MYO1E: variants seen among roughly 807,000 people sequenced by gnomAD.
The protein encoded by MYO1E is unconventional myosin-Ie.
A neutral mutation model predicts 151.1 loss-of-function variants in MYO1E; 68 were observed. The ratio of observed to expected loss-of-function variants is 0.45; its 90% confidence interval spans 0.37 to 0.55. The LOEUF is 0.55. Among genes scored for constraint, MYO1E ranks in the 20% least tolerant of loss-of-function variants. MYO1E has a pLI of 0.00. For synonymous variants in MYO1E, 601 were observed against 501.7 expected (o/e 1.20, Z -2.64); for missense variants, 1,363 against 1,389.3 (o/e 0.98, Z 0.30).
Position 59,137,009 on chromosome 15 carries a change from A to T in MYO1E, c.*371T>A, listed in dbSNP as rs1009300836. The T allele has an allele frequency of 3.5e-5, 13 of 369,520 alleles. No individual in the cohort carries two copies. The highest frequency in any genetic ancestry group is 6.9e-5 in the Non-Finnish European group (13 of 189,666). The allele number at this position is 369,520 out of a possible 1,614,324, so 22.9% of individuals were successfully genotyped here. ...TGCTCTTCAACTAAAGGCACTTGTC[A>T]GCGGCCACCTACAGCCATTCTCTAG... On this transcript the variant is annotated 3_prime_UTR_variant, in exon 28 of 28. Transcript: ENST00000288235.
intron 1 of MYO1E, among the ~76,000 whole-genome samples, chr15:59,364,875 C>T (rs537436441): frequency 6.6e-6 from 1 of 152,230 alleles, no homozygotes; most frequent in Non-Finnish European, 1.5e-5. Context: ...TGCCACTGCA[C>T]TCCAGCCTGG....
intron 21 of MYO1E, among the ~76,000 whole-genome samples, chr15:59,172,351 C>T (rs1327822508): frequency 3.3e-5 from 5 of 152,042 alleles, no homozygotes; most frequent in South Asian, 2.1e-4. Context: ...AGCAAGACTC[C>T]GTCTCAAAAA....
intron 1 of MYO1E, among the ~76,000 whole-genome samples, chr15:59,353,625 C>T (rs1202741147): frequency 8.6e-5 from 13 of 150,814 alleles, no homozygotes; most frequent in African/African-American, 2.4e-4. Flanking sequence ...GGTGTGGTGG[C>T]GCACGCCTGT....
intron 16 of MYO1E, among the ~76,000 whole-genome samples, chr15:59,196,985 A>ACTTT: frequency 2.9e-5 from 1 of 34,266 alleles, no homozygotes; most frequent in Non-Finnish European, 7.8e-5. Flanking sequence ...TTTAATTACG[A>ACTTT]CTTTTTTTTT....
At chr15:59,252,656 A>G (rs1159583033) in intron 4 of MYO1E, among the ~76,000 whole-genome samples, 1 of 149,150 alleles carries the variant, frequency 6.7e-6, no homozygotes, top group Non-Finnish European at 1.5e-5. Flanking sequence ...CGGAGGTTGC[A>G]ATGAGCCAAG....
chr15:59,215,086 G>A (rs1173328341), intron 10 of MYO1E, among the ~76,000 whole-genome samples: 1 of 152,192 alleles, frequency 6.6e-6, no homozygotes, highest in Non-Finnish European at 1.5e-5. Context: ...TAAAGGATCT[G>A]TAATTGTCAT....
intron 1 of MYO1E, among the ~76,000 whole-genome samples, chr15:59,363,965 C>T (rs750878166): frequency 7.9e-5 from 12 of 151,980 alleles, no homozygotes; most frequent in Non-Finnish European, 1.8e-4. Flanking sequence ...TTAGTAGAGA[C>T]GGGGGTTTTG....
chr15:59,362,937 A>T (rs2080893470), intron 1 of MYO1E, among the ~76,000 whole-genome samples: 10 of 151,098 alleles, frequency 6.6e-5, no homozygotes, highest in Admixed American at 6.6e-4. Flanking sequence ...TATTTTTTTT[A>T]ATCCTAGTTA....
intron 1 of MYO1E, among the ~76,000 whole-genome samples, chr15:59,363,402 G>A (rs2080896644): frequency 6.6e-6 from 1 of 152,170 alleles, no homozygotes; most frequent in Non-Finnish European, 1.5e-5. Flanking sequence ...ATGTTCTTAA[G>A]TCTAAATTAT....
At chr15:59,193,833 A>T (rs1188462605) in intron 17 of MYO1E, among the ~76,000 whole-genome samples, 1 of 152,210 alleles carries the variant, frequency 6.6e-6, no homozygotes, top group Non-Finnish European at 1.5e-5. Flanking sequence ...AATATTGTAG[A>T]AGGAATCTGA....
intron 1 of MYO1E, among the ~76,000 whole-genome samples, chr15:59,354,905 C>T (rs1375843020): frequency 1.3e-5 from 2 of 152,212 alleles, no homozygotes; most frequent in East Asian, 3.9e-4. Context: ...CACTAATATC[C>T]TGTTCTGTGA....
chr15:59,199,459 G>A (rs1349616374), intron 16 of MYO1E, among the ~76,000 whole-genome samples: 2 of 152,068 alleles, frequency 1.3e-5, no homozygotes, highest in East Asian at 1.9e-4. Flanking sequence ...GAAACTTTTT[G>A]AGCACCAACA....
chr15:59,291,038 A>G (rs2080415629), intron 1 of MYO1E, among the ~76,000 whole-genome samples: 1 of 152,244 alleles, frequency 6.6e-6, no homozygotes, highest in South Asian at 2.1e-4. Flanking sequence ...GACAGTGAAT[A>G]GAAAACAGAA....
At chr15:59,260,909 C>T (rs1204669998) in intron 3 of MYO1E, among the ~76,000 whole-genome samples, 1 of 152,080 alleles carries the variant, frequency 6.6e-6, no homozygotes, top group East Asian at 1.9e-4. Flanking sequence ...CAGTCCTAAG[C>T]TTTTTTGAGC....
chr15:59,138,108 T>C, intron 27 of MYO1E, 90 bp downstream of exon 27: 2 of 1,513,560 alleles, frequency 1.3e-6, no homozygotes, highest in Non-Finnish European at 1.8e-6. Flanking sequence ...GAGGAGCCCA[T>C]AAATTCTTTT....
intron 26 of MYO1E, among the ~76,000 whole-genome samples, chr15:59,148,943 G>T (rs184381344): frequency 6.6e-6 from 1 of 151,706 alleles, no homozygotes; most frequent in South Asian, 2.1e-4. Context: ...TTCCAAGAAT[G>T]AACTGCAGGT....
intron 1 of MYO1E, among the ~76,000 whole-genome samples, chr15:59,367,860 C>A (rs2080923309): frequency 6.6e-6 from 1 of 152,224 alleles, no homozygotes; most frequent in South Asian, 2.1e-4. Context: ...TGGCTCACGT[C>A]TATAATCCCA....
In MYO1E at chr15:59,350,860, T is replaced by TTTG. The variant is rs145436216; in HGVS notation, c.3+21635_3+21637dup. Reference sequence around the variant, plus strand: ...GAGGCTTCCAGGAAATGAGTCTTTATTTGTTGTTGTTGTTGTTTGTTTGGT... The same window carrying TTTG: ...GAGGCTTCCAGGAAATGAGTCTTTATTTGTTGTTGTTGTTGTTGTTTGTTTGGT... On this transcript the variant is annotated intron_variant, in intron 1 of 27. Coordinates refer to ENST00000288235, the MANE Select transcript of MYO1E (RefSeq NM_004998.4). The surrounding 1 kb of genome is among the most constrained non-coding windows in gnomAD (Gnocchi z 5.0). Among the ~76,000 whole-genome samples the TTTG allele has an allele frequency of 6.6e-6, 1 of 151,904 alleles. No homozygotes were observed. The highest frequency in any genetic ancestry group is 2.1e-4 in the South Asian group (1 of 4,816).
At chr15:59,338,262 A>C (rs1357145185) in intron 1 of MYO1E, among the ~76,000 whole-genome samples, 1 of 149,872 alleles carries the variant, frequency 6.7e-6, no homozygotes, top group South Asian at 2.1e-4. Context: ...TATAATAGCT[A>C]TATAAACTAG....
Sources: gnomAD v4.1 joint callset for allele counts (sites outside exome capture counted in the v4.1 genomes callset) on GRCh38, gnomAD v4.1.1 for gene constraint, Gnocchi (gnomAD v3.1) non-coding constraint, MANE v1.5 for transcripts, NCBI Gene and HGNC (gene_info 2026-07-23, HGNC 2026-07-21) for gene names.